PIEZO2: variants seen among roughly 807,000 people sequenced by gnomAD.
The protein encoded by PIEZO2 is piezo-type mechanosensitive ion channel component 2.
Under a neutral mutation model 337.3 loss-of-function variants are expected in PIEZO2, and 172 were observed. The ratio of observed to expected loss-of-function variants is 0.51; its 90% CI spans 0.45 to 0.58. The LOEUF (loss-of-function observed/expected upper bound fraction) is 0.58. Ranked by LOEUF, PIEZO2 falls within the 20% of genes least tolerant of loss-of-function variation. The pLI, the probability that PIEZO2 is intolerant of heterozygous loss-of-function variation, is 0.00. For missense variants in PIEZO2, 3,028 were observed against 3,391.3 expected (o/e 0.89, Z 2.66); for synonymous variants, 1,251 against 1,228.5 (o/e 1.02, Z -0.38).
chr18:11,052,141 C>A (rs879547779), intron 2 of PIEZO2, among the ~76,000 whole-genome samples: 1 of 151,800 alleles, frequency 6.6e-6, no homozygotes, highest in Non-Finnish European at 1.5e-5. Context: ...TTTTTCTATT[C>A]TCTAATACAA....
intron 1 of PIEZO2, among the ~76,000 whole-genome samples, chr18:11,115,068 G>A (rs1397181528): frequency 6.6e-6 from 1 of 152,142 alleles, no homozygotes; most frequent in African/African-American, 2.4e-5. Flanking sequence ...TTTCCAGGTT[G>A]CTCTATTGTC....
At chr18:10,857,285 A>T in intron 5 of PIEZO2, 74 bp from the exon 6 acceptor site, 1 of 1,265,196 alleles carries the variant, frequency 7.9e-7, no homozygotes, top group Non-Finnish European at 1.1e-6. Context: ...TAGAGCTTCT[A>T]ATTCATGGGT....
intron 3 of PIEZO2, among the ~76,000 whole-genome samples, chr18:10,920,064 A>G (rs1010267145): frequency 6.6e-6 from 1 of 152,176 alleles, no homozygotes; most frequent in Non-Finnish European, 1.5e-5. Context: ...TTCTTTTCCC[A>G]CAGTGTTCCC....
At chr18:10,704,877 G>A (rs1230579323) in intron 41 of PIEZO2, among the ~76,000 whole-genome samples, 2 of 152,146 alleles carry the variant, frequency 1.3e-5, no homozygotes, top group African/African-American at 2.4e-5. Flanking sequence ...TTTTAGTAAA[G>A]GGACAGTTTC....
chr18:11,120,013 C>A (rs1441294070), intron 1 of PIEZO2, among the ~76,000 whole-genome samples: 1 of 152,154 alleles, frequency 6.6e-6, no homozygotes, highest in African/African-American at 2.4e-5. Context: ...ATAAGATAAT[C>A]AGGATAATCA....
At chr18:10,901,188 G>GTTTGT (rs2043037207) in intron 4 of PIEZO2, among the ~76,000 whole-genome samples, 1 of 152,128 alleles carries the variant, frequency 6.6e-6, no homozygotes, top group Non-Finnish European at 1.5e-5. Flanking sequence ...TGTTTTCCAA[G>GTTTGT]TTTGCCTCAT....
intron 1 of PIEZO2, among the ~76,000 whole-genome samples, chr18:11,068,796 A>G (rs766784713): frequency 2.6e-5 from 4 of 152,160 alleles, no homozygotes; most frequent in Non-Finnish European, 5.9e-5. Flanking sequence ...TCAGAAGAAG[A>G]CAGAAGATGC....
chr18:11,088,423 C>G (rs2038974316), intron 1 of PIEZO2, among the ~76,000 whole-genome samples: 1 of 152,274 alleles, frequency 6.6e-6, no homozygotes, highest in Non-Finnish European at 1.5e-5. Context: ...CACTTCACCT[C>G]TGCAATGCAG....
intron 39 of PIEZO2, among the ~76,000 whole-genome samples, chr18:10,711,018 G>C (rs1456930432): frequency 6.6e-6 from 1 of 152,156 alleles, no homozygotes; most frequent in Non-Finnish European, 1.5e-5. Flanking sequence ...ACTAGTTATT[G>C]TATTTACTGA....
intron 39 of PIEZO2, among the ~76,000 whole-genome samples, chr18:10,712,695 G>C (rs1183298939): frequency 1.3e-5 from 2 of 152,136 alleles, no homozygotes; most frequent in African/African-American, 4.8e-5. Context: ...TTGTAACTTT[G>C]ATATTACTAA....
intron 3 of PIEZO2, among the ~76,000 whole-genome samples, chr18:10,974,180 C>G (rs905422512): frequency 1.3e-5 from 2 of 152,134 alleles, no homozygotes; most frequent in East Asian, 3.9e-4. Flanking sequence ...TGTCGTAGGC[C>G]GACGCTTGAT....
At chr18:10,730,192 T>C (rs2036708319) in intron 36 of PIEZO2, among the ~76,000 whole-genome samples, 1 of 152,232 alleles carries the variant, frequency 6.6e-6, no homozygotes, top group South Asian at 2.1e-4. Context: ...CTCTTCAAAG[T>C]AGACCTACTA....
At chr18:10,832,404 G>A (rs892687704) in intron 7 of PIEZO2, among the ~76,000 whole-genome samples, 7 of 152,140 alleles carry the variant, frequency 4.6e-5, no homozygotes, top group African/African-American at 7.2e-5. Flanking sequence ...ATTTGATGGA[G>A]GCTCACATAG....
chr18:10,805,169 A>T (rs2039958419), intron 8 of PIEZO2, among the ~76,000 whole-genome samples: 1 of 152,210 alleles, frequency 6.6e-6, no homozygotes, highest in African/African-American at 2.4e-5. Context: ...GGGCTGGGAA[A>T]TCTTAATAAC....
At chr18:11,117,266 TA>T (rs2039919143) in intron 1 of PIEZO2, among the ~76,000 whole-genome samples, 1 of 152,222 alleles carries the variant, frequency 6.6e-6, no homozygotes, top group South Asian at 2.1e-4. Context: ...CTGTATGCCA[TA>T]AAAATGTACA....
At chr18:10,914,675 C>G (rs1198308168) in intron 3 of PIEZO2, among the ~76,000 whole-genome samples, 1 of 152,086 alleles carries the variant, frequency 6.6e-6, no homozygotes, top group Non-Finnish European at 1.5e-5. Context: ...AACTGTAATT[C>G]ATAGAAGGGA....
intron 15 of PIEZO2, among the ~76,000 whole-genome samples, chr18:10,788,417 A>G (rs1054094942): frequency 9.2e-5 from 13 of 141,458 alleles, no homozygotes; most frequent in Admixed American, 8.1e-4. Context: ...TCAAAAAAAA[A>G]AAAAGAAAGA....
chr18:10,979,192 TG>T lies in PIEZO2; in HGVS notation c.286+342del, dbSNP rs1242081395. Among the ~76,000 whole-genome samples, 4 of 150,632 alleles carry T rather than the reference TG, an allele frequency of 2.7e-5. No homozygotes were observed. The highest frequency in any genetic ancestry group is 5.9e-5 in the Non-Finnish European group (4 of 67,946). On this transcript the variant is annotated intron_variant, in intron 3 of 55. Coordinates refer to ENST00000674853, the MANE Select transcript of PIEZO2 (RefSeq NM_001378183.1). The surrounding 1 kb of genome is among the most constrained non-coding windows in gnomAD (Gnocchi z 4.0). ...ATATTCTATTCATCATGTTAGAAAT[TG>T]TACCTTTTTTTTTTTTTACTCGCTG...
chr18:11,041,999 T>C (rs1170133304), intron 2 of PIEZO2, among the ~76,000 whole-genome samples: 1 of 152,230 alleles, frequency 6.6e-6, no homozygotes, highest in Non-Finnish European at 1.5e-5. Context: ...GGCTAGCGTC[T>C]TCTATCCATC....
Sources: gnomAD v4.1 joint callset for allele counts (sites outside exome capture counted in the v4.1 genomes callset) on GRCh38, gnomAD v4.1.1 for gene constraint, Gnocchi (gnomAD v3.1) non-coding constraint, MANE v1.5 for transcripts, NCBI Gene and HGNC (gene_info 2026-07-23, HGNC 2026-07-21) for gene names.